Variants in CAST observed in about 807,000 individuals in gnomAD.
The protein encoded by CAST is calpastatin.
In CAST, 76 loss-of-function variants were observed where a neutral mutation model predicts 119.6. The observed-to-expected ratio is 0.64, with a 90% CI of 0.53 to 0.77. The LOEUF (loss-of-function observed/expected upper bound fraction) is 0.77, where lower values mean the gene tolerates loss of function less well. CAST is among the 30% of genes least tolerant of loss of function. CAST has a pLI of 0.00. For synonymous variants in CAST, 319 were observed against 331.6 expected, an observed-to-expected ratio of 0.96 and a Z score of 0.41; for missense variants, 953 against 946.5, an observed-to-expected ratio of 1.01 and a Z score of -0.09.
At chr5:96,596,247 A>T (rs1417164699) in intron 1 of CAST, among the ~76,000 whole-genome samples, 1 of 152,202 alleles carries the variant, frequency 6.6e-6, no homozygotes, top group Middle Eastern at 3.2e-3. Context: ...GGGACACAAG[A>T]GGAGTCAGAG....
At position 96,747,346 on chromosome 5, in the gene CAST, A is replaced by G; in HGVS notation, c.1286A>G (p.Asp429Gly). 1 of 1,593,484 alleles carries G rather than the reference A, an allele frequency of 6.3e-7. No individual in the cohort carries two copies. The change falls in exon 18 of 32, where the codon GAT (aspartate) becomes GGT (glycine). Residue 429 changes from aspartate (D) to glycine (G), a missense_variant and splice_region_variant. Asp to Gly is a moderately conservative substitution (Grantham distance 94). Transcript: ENST00000675179. ...PSEYRLKPATDKDGKPLLPEP... is the reference protein window; with the variant it reads ...PSEYRLKPATGKDGKPLLPEP... ...AATGAATTTTAATTTCATTTACAGG[A>G]TAAAGATGGAAAACCACTATTGCCA...
intron 1 of CAST, among the ~76,000 whole-genome samples, chr5:96,598,072 A>G (rs1747085559): frequency 6.6e-6 from 1 of 152,162 alleles, no homozygotes; most frequent in Non-Finnish European, 1.5e-5. Flanking sequence ...GACTAATTCC[A>G]TGAAAATTCA....
the CAST span, among the ~76,000 whole-genome samples, chr5:96,150,240 A>T: frequency 6.6e-6 from 1 of 152,164 alleles, no homozygotes; most frequent in Non-Finnish European, 1.5e-5. Context: ...TTCTAAACTG[A>T]GGTGCTAGAC....
the CAST span, among the ~76,000 whole-genome samples, chr5:96,468,414 C>T: frequency 2.0e-5 from 3 of 152,120 alleles, no homozygotes; most frequent in South Asian, 4.1e-4. Flanking sequence ...TTCAGGTGTG[C>T]AATTTAAATG....
the CAST span, among the ~76,000 whole-genome samples, chr5:96,459,476 A>G: frequency 6.6e-6 from 1 of 152,196 alleles, no homozygotes; most frequent in African/African-American, 2.4e-5. Flanking sequence ...GAAAATTAAT[A>G]TAGTAGTTGA....
chr5:96,647,686 AG>A (rs1258896257), intron 1 of CAST, among the ~76,000 whole-genome samples: 37 of 152,294 alleles, frequency 2.4e-4, no homozygotes, highest in African/African-American at 8.7e-4. Context: ...AACTAAACTG[AG>A]GCACACACCG....
the CAST span, among the ~76,000 whole-genome samples, chr5:96,127,595 G>T: frequency 6.6e-6 from 1 of 151,948 alleles, no homozygotes; most frequent in African/African-American, 2.4e-5. Flanking sequence ...ATGCTTTATG[G>T]TCTTTCTACA....
At chr5:96,011,905 T>C in the CAST span, among the ~76,000 whole-genome samples, 6 of 152,192 alleles carry the variant, frequency 3.9e-5, no homozygotes, top group Non-Finnish European at 7.4e-5. Context: ...ATACTCTATA[T>C]TTAACTACAC....
the CAST span, among the ~76,000 whole-genome samples, chr5:96,067,292 T>A: frequency 6.6e-6 from 1 of 152,344 alleles, no homozygotes. Flanking sequence ...TGGGGCCAAT[T>A]TTATAGGTGT....
At chr5:96,648,732 G>GTGTT (rs992962298) in intron 1 of CAST, among the ~76,000 whole-genome samples, 1 of 151,940 alleles carries the variant, frequency 6.6e-6, no homozygotes, top group Non-Finnish European at 1.5e-5. Flanking sequence ...GTGTGTGTGT[G>GTGTT]TGTGTGTGTG....
chr5:96,638,138 G>T (rs758501160), intron 1 of CAST, among the ~76,000 whole-genome samples: 6 of 152,160 alleles, frequency 3.9e-5, no homozygotes, highest in African/African-American at 7.2e-5. Context: ...TGGTGTGGTG[G>T]CTCATGCCTG....
At position 96,773,982 on chromosome 5, in the gene CAST, T is replaced by C. The variant is rs1425978400; in HGVS notation, c.*1366T>C. The C allele has an allele frequency of 6.6e-6, 1 of 152,316 alleles. No individual in the cohort carries two copies. Among genetic ancestry groups the C allele is most frequent in the Non-Finnish European group, 1.5e-5 (1 of 68,022 alleles). The allele number at this position is 152,316 out of a possible 1,614,324, so 9.4% of individuals were successfully genotyped here. A position where few individuals can be genotyped will look rare whatever the true frequency, so the allele number is the denominator to read the frequency against. On this transcript the variant is annotated 3_prime_UTR_variant, in exon 32 of 32. Coordinates refer to ENST00000675179, the MANE Select transcript of CAST (RefSeq NM_001750.7). ...CTCCCCCCCAAATACTCTCTGAAAG[T>C]CATGCACATACCTATGGGATTTTAC... is the stretch of plus-strand genomic sequence containing the variant.
chr5:96,163,942 A>C, the CAST span, among the ~76,000 whole-genome samples: 2 of 152,214 alleles, frequency 1.3e-5, no homozygotes, highest in Non-Finnish European at 2.9e-5. Flanking sequence ...TGGGCACATT[A>C]CTTAGTATCT....
At chr5:96,573,386 T>G (rs2150187599) in intron 1 of CAST, among the ~76,000 whole-genome samples, 1 of 152,184 alleles carries the variant, frequency 6.6e-6, no homozygotes, top group Middle Eastern at 3.4e-3. Flanking sequence ...ATCCCAACAC[T>G]TTGGGAGGCT....
the CAST span, among the ~76,000 whole-genome samples, chr5:96,097,043 C>T: frequency 5.3e-5 from 8 of 152,122 alleles, no homozygotes; most frequent in Non-Finnish European, 1.0e-4. Context: ...TTAAGTTTGA[C>T]GTAGGACCCA....
At chr5:96,240,660 C>T in the CAST span, among the ~76,000 whole-genome samples, 6 of 151,778 alleles carry the variant, frequency 4.0e-5, no homozygotes, top group East Asian at 1.2e-3. Context: ...TACTCCTGGG[C>T]TCAAGCAATT....
At chr5:96,160,389 C>T in the CAST span, among the ~76,000 whole-genome samples, 1 of 152,114 alleles carries the variant, frequency 6.6e-6, no homozygotes, top group South Asian at 2.1e-4. Flanking sequence ...TGACTTCATT[C>T]ACTTAGCATA....
chr5:96,759,971 C>T (rs547868472), intron 24 of CAST, among the ~76,000 whole-genome samples: 14 of 151,992 alleles, frequency 9.2e-5, no homozygotes, highest in African/African-American at 2.6e-4. Context: ...TATTAAACTG[C>T]GTAATTCACA....
chr5:96,272,754 T>C, the CAST span, among the ~76,000 whole-genome samples: 2 of 152,120 alleles, frequency 1.3e-5, no homozygotes, highest in Non-Finnish European at 2.9e-5. Flanking sequence ...AACTCAAAGG[T>C]TTCTGGCAAA....
Sources: allele counts gnomAD v4.1 joint callset (sites outside exome capture counted in the v4.1 genomes callset), GRCh38; gene constraint gnomAD v4.1.1; transcripts MANE v1.5; gene names NCBI Gene and HGNC (gene_info 2026-07-23, HGNC 2026-07-21).